NEK10: variants seen among roughly 807,000 people sequenced by gnomAD.
NEK10 encodes NIMA related kinase 10.
Under a neutral mutation model 159.8 loss-of-function variants are expected in NEK10, and 122 were observed. The observed-to-expected ratio is 0.76, with a 90% CI of 0.66 to 0.89. The LOEUF (loss-of-function observed/expected upper bound fraction) is 0.89. NEK10 is among the 40% of genes least tolerant of loss of function. The pLI is 0.00. For synonymous variants in NEK10, 466 were observed against 457.1 expected, an observed-to-expected ratio of 1.02 and a Z score of -0.25; for missense variants, 1,342 against 1,323.1, an observed-to-expected ratio of 1.01 and a Z score of -0.22.
At chr3:27,259,582 C>G (rs1020680356) in intron 22 of NEK10, among the ~76,000 whole-genome samples, 20 of 152,286 alleles carry the variant, frequency 1.3e-4, no homozygotes, top group African/African-American at 4.8e-4. Flanking sequence ...GTCTGTATCT[C>G]TGTTTTGGTA....
intron 1 of NEK10, among the ~76,000 whole-genome samples, chr3:27,365,610 G>GTT (rs71091129): frequency 0.27 from 26,068 of 98,362 alleles, 4,960 homozygotes; most frequent in East Asian, 0.61. Flanking sequence ...TTTTTTTTGT[G>GTT]TTTTTTTTTT....
At chr3:27,174,613 A>G (rs1947326409) in intron 27 of NEK10, 37 bp downstream of exon 27, 2 of 1,596,624 alleles carry the variant, frequency 1.3e-6, no homozygotes, top group South Asian at 1.1e-5. Flanking sequence ...CACTGCCACT[A>G]GCAGTACCTA....
intron 20 of NEK10, among the ~76,000 whole-genome samples, chr3:27,286,527 G>A (rs1435375206): frequency 1.4e-5 from 2 of 138,310 alleles, no homozygotes; most frequent in East Asian, 2.1e-4. Flanking sequence ...GATTACAGGC[G>A]CCTGCCACCA....
At position 27,161,887 on chromosome 3, in the gene NEK10, C is replaced by T. The variant is rs563783439; in HGVS notation, c.2869+814G>A. ...AGGAATGGTGGCAGGCACCTGTAAT[C>T]CCAGCTACTCAGGAGGCTGAGGCAG... is the stretch of plus-strand genomic sequence containing the variant. On this transcript the variant is annotated intron_variant, in intron 30 of 35. Transcript: ENST00000691995. Among the ~76,000 whole-genome samples the T allele has an allele frequency of 3.3e-5, 5 of 152,140 alleles. No homozygotes were observed. The South Asian group carries it at 1.0e-3, about 32-fold the overall frequency.
Position 27,256,766 on chromosome 3 carries a change from G to C in NEK10, c.2015-395C>G, listed in dbSNP as rs140931594. Among the ~76,000 whole-genome samples the C allele has an allele frequency of 7.9e-5, 12 of 152,228 alleles. No individual in the cohort carries two copies. The East Asian group carries it at 1.5e-3, about 20-fold the overall frequency. ...CTGGCATCAACGTGTACTAATCACAGTACAAGTATGTTCAAAATAATCTCA... is the reference window on the plus strand; with the variant it reads ...CTGGCATCAACGTGTACTAATCACACTACAAGTATGTTCAAAATAATCTCA... On this transcript the variant is annotated intron_variant, in intron 22 of 35. Transcript: ENST00000691995.
chr3:27,273,567 G>A (rs1423325031), intron 22 of NEK10, among the ~76,000 whole-genome samples: 1 of 152,108 alleles, frequency 6.6e-6, no homozygotes, highest in Non-Finnish European at 1.5e-5. Flanking sequence ...AGCTATGGGT[G>A]GTTGTTCCTT....
chr3:27,262,287 G>A (rs940028504), intron 22 of NEK10, among the ~76,000 whole-genome samples: 9 of 151,980 alleles, frequency 5.9e-5, no homozygotes, highest in African/African-American at 1.7e-4. Context: ...TTTCAACTTC[G>A]GTGAATCTGA....
intron 22 of NEK10, among the ~76,000 whole-genome samples, chr3:27,262,055 T>A (rs2040461596): frequency 6.6e-6 from 1 of 152,172 alleles, no homozygotes; most frequent in Non-Finnish European, 1.5e-5. Flanking sequence ...CCCCTCCCTT[T>A]TTTTGTTTTC....
intron 32 of NEK10, among the ~76,000 whole-genome samples, chr3:27,123,881 T>A (rs1278026528): frequency 1.3e-5 from 2 of 151,736 alleles, no homozygotes; most frequent in Non-Finnish European, 2.9e-5. Flanking sequence ...GATAAACAAA[T>A]TTTAGAAAAG....
chr3:27,361,781 A>T (rs966630327), intron 1 of NEK10, among the ~76,000 whole-genome samples: 4 of 152,178 alleles, frequency 2.6e-5, no homozygotes, highest in African/African-American at 9.7e-5. Flanking sequence ...CGCTGCAAAA[A>T]CTAGAAGTAC....
chr3:27,214,549 C>CTT (rs370417315), intron 23 of NEK10, among the ~76,000 whole-genome samples: 32,468 of 140,644 alleles, frequency 0.23, 3,895 homozygotes, highest in Middle Eastern at 0.36. Flanking sequence ...TACTTTCTTT[C>CTT]TTTTTTTTGT....
chr3:27,300,270 G>T (rs991815804), intron 13 of NEK10, among the ~76,000 whole-genome samples: 1 of 151,684 alleles, frequency 6.6e-6, no homozygotes, highest in Non-Finnish European at 1.5e-5. Flanking sequence ...TTTTTAAAAT[G>T]TTTTTTTTGT....
In NEK10 at chr3:27,107,652, A is replaced by G. The variant is rs1022126272; in HGVS notation, c.*3620T>C. Reference sequence around the variant, plus strand: ...GGAGTCAATGTCAATATTCGGAAGCATTAAGCTTCCCTTACGTTGGAGCCC... The same window carrying G: ...GGAGTCAATGTCAATATTCGGAAGCGTTAAGCTTCCCTTACGTTGGAGCCC... On this transcript the variant is annotated 3_prime_UTR_variant, in exon 36 of 36. Coordinates refer to ENST00000691995, the MANE Select transcript of NEK10 (RefSeq NM_001394966.1). Among the ~76,000 whole-genome samples, 23 of 152,228 alleles carry G rather than the reference A, an allele frequency of 1.5e-4. No individual in the cohort carries two copies. Among genetic ancestry groups the G allele is most frequent in the African/African-American group, 5.3e-4 (22 of 41,464 alleles).
At chr3:27,333,009 A>G (rs1575789565) in intron 5 of NEK10, among the ~76,000 whole-genome samples, 1 of 152,212 alleles carries the variant, frequency 6.6e-6, no homozygotes, top group Non-Finnish European at 1.5e-5. Context: ...TCCACTAAGA[A>G]GAACCAATAT....
intron 13 of NEK10, among the ~76,000 whole-genome samples, chr3:27,299,868 G>C (rs2043666988): frequency 6.6e-6 from 1 of 152,196 alleles, no homozygotes; most frequent in African/African-American, 2.4e-5. Flanking sequence ...TGGAACAGCT[G>C]TATTTATCCA....
chr3:27,174,616 A>T, intron 27 of NEK10, 34 bp downstream of exon 27: 1 of 1,598,918 alleles, frequency 6.3e-7, no homozygotes. Context: ...TGCCACTAGC[A>T]GTACCTACGT....
At chr3:27,174,319 G>A (rs1246829524) in intron 28 of NEK10, 120 bp downstream of exon 28, 2 of 1,504,730 alleles carry the variant, frequency 1.3e-6, no homozygotes, top group African/African-American at 1.4e-5. Context: ...AATTAGCACT[G>A]CACCTGAAAA....
chr3:27,352,783 C>T (rs1279160803), intron 2 of NEK10, 29 bp downstream of exon 2: 2 of 1,506,452 alleles, frequency 1.3e-6, no homozygotes, highest in Non-Finnish European at 1.8e-6. Flanking sequence ...CCTGAGTTAA[C>T]AATTAGCAAA....
At chr3:27,309,621 C>G (rs1306548457) in intron 9 of NEK10, 6 of 152,146 alleles carry the variant, frequency 3.9e-5, no homozygotes, top group African/African-American at 1.2e-4. Flanking sequence ...AGTATTCTCT[C>G]CCCCTTCTGA....
Sources: gnomAD v4.1 joint callset for allele counts (sites outside exome capture counted in the v4.1 genomes callset) on GRCh38, gnomAD v4.1.1 for gene constraint, MANE v1.5 for transcripts, NCBI Gene and HGNC (gene_info 2026-07-23, HGNC 2026-07-21) for gene names.